SCAF8: variants seen among roughly 807,000 people sequenced by gnomAD.
SCAF8 encodes SR-related and CTD-associated factor 8.
A neutral mutation model predicts 140.5 loss-of-function variants in SCAF8; 23 were observed. That is an observed-to-expected ratio of 0.16 (90% confidence interval 0.12 to 0.23). The LOEUF is 0.23. Ranked by LOEUF, SCAF8 falls within the 10% of genes least tolerant of loss-of-function variation. The pLI is 1.00. For missense variants in SCAF8, 1,397 were observed against 1,555.7 expected (o/e 0.90, Z 1.72); for synonymous variants, 575 against 528.9 (o/e 1.09, Z -1.20).
intron 1 of SCAF8, among the ~76,000 whole-genome samples, chr6:154,741,148 A>T (rs930597657): frequency 6.6e-6 from 1 of 152,192 alleles, no homozygotes; most frequent in Non-Finnish European, 1.5e-5. Context: ...TTGAAATGAC[A>T]TATAGAAGTT....
At chr6:154,793,520 T>G (rs1189834629) in intron 5 of SCAF8, among the ~76,000 whole-genome samples, 1 of 151,870 alleles carries the variant, frequency 6.6e-6, no homozygotes, top group East Asian at 1.9e-4. Flanking sequence ...GAAAAAATTT[T>G]TATCATAGTT....
intron 6 of SCAF8, among the ~76,000 whole-genome samples, chr6:154,798,681 C>T (rs1436291763): frequency 6.6e-6 from 1 of 151,482 alleles, no homozygotes; most frequent in Non-Finnish European, 1.5e-5. Context: ...TACCCCACAA[C>T]AGTCTGTTCT....
chr6:154,739,189 A>G (rs1778504519), intron 1 of SCAF8, among the ~76,000 whole-genome samples: 1 of 152,070 alleles, frequency 6.6e-6, no homozygotes, highest in African/African-American at 2.4e-5. Context: ...GGGGGGTGTC[A>G]ATATGTGGTC....
At position 154,832,212 on chromosome 6, in the gene SCAF8, A is replaced by C; in HGVS notation, c.2633A>C (p.Asn878Thr). 2 of 1,614,124 alleles carry C rather than the reference A, an allele frequency of 1.2e-6. No individual in the cohort carries two copies. The highest frequency in any genetic ancestry group is 1.6e-4 in the Middle Eastern group (1 of 6,062). ...GGAGTGCTACCCCCAAATATACCTA[A>C]CAATTCTGGACTTGTAGGAGTACAG... ...LLGVLPPNIP[N>T]NSGLVGVQPP... The change falls in exon 20 of 20, where the codon AAC becomes ACC. Residue 878 changes from asparagine (N) to threonine (T), a missense_variant. Asn to Thr is a moderately conservative substitution (Grantham distance 65, BLOSUM62 0). Transcript: ENST00000367178.
In SCAF8 at chr6:154,733,553, A is replaced by G; in HGVS notation, c.-348A>G. Reference sequence around the variant, plus strand: ...AGGGGCAGAAGGGAGTGGAGAGTGTAGGGGAAGGGGCTAGAGGGAGGGGGA... The same window carrying G: ...AGGGGCAGAAGGGAGTGGAGAGTGTGGGGGAAGGGGCTAGAGGGAGGGGGA... On this transcript the variant is annotated 5_prime_UTR_variant, in exon 1 of 20. An upstream open reading frame in the 5' UTR loses its in-frame stop. Coordinates refer to ENST00000367178, the MANE Select transcript of SCAF8 (RefSeq NM_014892.5). The G allele has an allele frequency of 7.8e-7, 1 of 1,286,358 alleles. No homozygotes were observed. Among genetic ancestry groups the G allele is most frequent in the Non-Finnish European group, 9.8e-7 (1 of 1,018,164 alleles). 79.7% of individuals were successfully genotyped at this position (1,286,358 alleles called of 1,614,324 possible).
intron 6 of SCAF8, 24 bp downstream of exon 6, chr6:154,795,163 A>G: frequency 6.3e-7 from 1 of 1,582,466 alleles, no homozygotes. Flanking sequence ...CTGTTATATC[A>G]AGAATAATTT....
chr6:154,786,873 A>G (rs902622762), intron 3 of SCAF8, among the ~76,000 whole-genome samples: 3 of 152,392 alleles, frequency 2.0e-5, no homozygotes, highest in African/African-American at 7.2e-5. Flanking sequence ...TATTTAAAAC[A>G]TTAAATCATA....
At chr6:154,778,769 A>ATGTGTGTGTGTG (rs71021079) in intron 3 of SCAF8, among the ~76,000 whole-genome samples, 91 of 142,158 alleles carry the variant, frequency 6.4e-4, no homozygotes, top group Non-Finnish European at 1.0e-3. Flanking sequence ...GTCTCAAAAA[A>ATGTGTGTGTGTG]TGTGTGTGTG....
At chr6:154,763,625 G>A (rs571955976) in intron 1 of SCAF8, among the ~76,000 whole-genome samples, 1 of 152,222 alleles carries the variant, frequency 6.6e-6, no homozygotes, top group Non-Finnish European at 1.5e-5. Context: ...GAAATAACAA[G>A]CATGAAGGTA....
rs185513294 is a variant in SCAF8, at chr6:154,806,573, T to C, written c.981+1087T>C. 2.6e-4 allele frequency among the ~76,000 whole-genome samples: 39 copies of C among 152,272 alleles called. No homozygotes were observed. In the East Asian group the frequency reaches 6.2e-3, roughly 24 times the overall value. The stretch of plus-strand genomic sequence containing the variant: ...CTGGCAGAATTCTTTATTTTTGTCA[T>C]AGAGGTACAGCTGAAGGATTCTAGG... On this transcript the variant is annotated intron_variant, in intron 9 of 19. Coordinates refer to ENST00000367178, the MANE Select transcript of SCAF8 (RefSeq NM_014892.5).
intron 3 of SCAF8, among the ~76,000 whole-genome samples, chr6:154,783,769 A>C (rs905882229): frequency 2.0e-5 from 3 of 152,154 alleles, no homozygotes; most frequent in African/African-American, 7.2e-5. Context: ...TTGAGTCCAC[A>C]TTGAAAGATG....
rs140816116 is a variant in SCAF8 at position 154,797,305 on chromosome 6, G to A, written c.606+2166G>A. On this transcript the variant is annotated intron_variant, in intron 6 of 19. Coordinates refer to ENST00000367178, the MANE Select transcript of SCAF8 (RefSeq NM_014892.5). ...AGTTCTTCATTTTTGGACTGTTGAT[G>A]TACTCCTCTAAATAGCTTTTGATCC... Among the ~76,000 whole-genome samples, 174 of 151,260 alleles carry A rather than the reference G, an allele frequency of 1.2e-3. 5 individuals are homozygous for A. Among genetic ancestry groups the A allele is most frequent in the African/African-American group, 4.0e-3 (167 of 41,448 alleles).
chr6:154,756,655 T>C (rs563562071), intron 1 of SCAF8, among the ~76,000 whole-genome samples: 5 of 152,342 alleles, frequency 3.3e-5, no homozygotes, highest in Admixed American at 3.3e-4. Flanking sequence ...TTATACATTG[T>C]ATACAAGGAT....
chr6:154,816,105 G>C (rs1778240870), intron 13 of SCAF8, among the ~76,000 whole-genome samples: 1 of 152,172 alleles, frequency 6.6e-6, no homozygotes, highest in South Asian at 2.1e-4. Context: ...AACCCTATGT[G>C]TGGTCTGGTT....
intron 1 of SCAF8, among the ~76,000 whole-genome samples, chr6:154,749,596 G>A (rs1384126401): frequency 4.6e-5 from 7 of 152,188 alleles, no homozygotes; most frequent in Admixed American, 2.0e-4. Flanking sequence ...ACACTGTGAT[G>A]TATACAGTAG....
intron 3 of SCAF8, among the ~76,000 whole-genome samples, chr6:154,781,279 C>A (rs972003960): frequency 6.6e-6 from 1 of 152,122 alleles, no homozygotes; most frequent in Non-Finnish European, 1.5e-5. Flanking sequence ...ATATAGCTAA[C>A]AAGGAGTGTG....
At chr6:154,753,365 G>T (rs1442011744) in intron 1 of SCAF8, among the ~76,000 whole-genome samples, 1 of 152,198 alleles carries the variant, frequency 6.6e-6, no homozygotes, top group Non-Finnish European at 1.5e-5. Flanking sequence ...TACTCGGGAG[G>T]CTGAGTCAGG....
chr6:154,770,388 A>ACACT (rs1384942827), intron 1 of SCAF8, among the ~76,000 whole-genome samples: 57 of 141,990 alleles, frequency 4.0e-4, no homozygotes, highest in South Asian at 1.1e-3. Flanking sequence ...ACACACACAC[A>ACACT]CTCTCTCTCT....
At chr6:154,780,398 C>T (rs1455525792) in intron 3 of SCAF8, among the ~76,000 whole-genome samples, 7 of 140,126 alleles carry the variant, frequency 5.0e-5, no homozygotes, top group African/African-American at 1.8e-4. Flanking sequence ...TATACAAGTG[C>T]AAAACACATA....
Sources: gnomAD v4.1 joint callset for allele counts (sites outside exome capture counted in the v4.1 genomes callset) on GRCh38, gnomAD v4.1.1 for gene constraint, MANE v1.5 for transcripts, NCBI Gene and HGNC (gene_info 2026-07-23, HGNC 2026-07-21) for gene names.